Variants in GCNT2 observed in about 807,000 individuals in gnomAD.
The protein encoded by GCNT2 is glucosaminyl (N-acetyl) transferase 2 (I blood group).
GCNT2 carries 34 observed loss-of-function variants against 34.2 expected under a neutral mutation model. That is an observed-to-expected ratio of 1.00 (90% CI 0.76 to 1.32). The LOEUF is 1.32. GCNT2 is among the 40% of genes most tolerant of loss of function. The pLI is 0.00. For synonymous variants in GCNT2, 212 were observed against 188.0 expected, an observed-to-expected ratio of 1.13 and a Z score of -1.04; for missense variants, 584 against 489.4, an observed-to-expected ratio of 1.19 and a Z score of -1.82.
In GCNT2 at chr6:10,545,281, C is replaced by CT. The variant is rs1207325319; in HGVS notation, c.925+15447dup. ...TTTTTCCATTTTGCAAGAGCTGTGCCTTGGCTGTGATCTCCATTTTTGTGG... is the reference window on the plus strand; with the variant it reads ...TTTTTCCATTTTGCAAGAGCTGTGCCTTTGGCTGTGATCTCCATTTTTGTGG... On this transcript the variant is annotated intron_variant, in intron 3 of 4. Transcript: ENST00000495262. 2.0e-5 allele frequency among the ~76,000 whole-genome samples: 3 copies of CT among 152,060 alleles called. No homozygotes were observed. In the East Asian group the frequency reaches 5.8e-4, roughly 29 times the overall value.
chr6:10,540,931 A>T (rs1762010696), intron 3 of GCNT2, among the ~76,000 whole-genome samples: 1 of 152,040 alleles, frequency 6.6e-6, no homozygotes, highest in African/African-American at 2.4e-5. Flanking sequence ...TGCCTTTGGG[A>T]GTTCTTAGTC....
intron 3 of GCNT2, among the ~76,000 whole-genome samples, chr6:10,588,406 C>G (rs762121282): frequency 5.3e-5 from 8 of 152,196 alleles, no homozygotes; most frequent in Non-Finnish European, 1.2e-4. Flanking sequence ...TCGTGTTAGC[C>G]TCACGTACAG....
chr6:10,569,845 CT>C lies in GCNT2; in HGVS notation c.925+40012del, dbSNP rs755344664. On this transcript the variant is annotated intron_variant, in intron 3 of 4. Coordinates refer to ENST00000495262, the MANE Select transcript of GCNT2 (RefSeq NM_145649.5). ...GATTTCTTCCTTCCTTCCTTCCTTCCTTTCTCTTTCTTTCTCTTTCTTTCTT... is the reference window on the plus strand; with the variant it reads ...GATTTCTTCCTTCCTTCCTTCCTTCCTTCTCTTTCTTTCTCTTTCTTTCTT... Among the ~76,000 whole-genome samples, 1,051 of 146,306 alleles carry C rather than the reference CT, an allele frequency of 7.2e-3. 12 individuals are homozygous for C. Among genetic ancestry groups the C allele is most frequent in the African/African-American group, 0.023 (911 of 39,466 alleles).
At chr6:10,560,335 C>T (rs906167394) in intron 3 of GCNT2, among the ~76,000 whole-genome samples, 5 of 152,138 alleles carry the variant, frequency 3.3e-5, no homozygotes, top group Admixed American at 2.0e-4. Context: ...AGGCGATCCG[C>T]CCACCTCGGC....
chr6:10,561,075 C>T (rs1762957809), intron 3 of GCNT2, among the ~76,000 whole-genome samples: 1 of 152,238 alleles, frequency 6.6e-6, no homozygotes, highest in African/African-American at 2.4e-5. Context: ...TATTTTCTAA[C>T]ATCTCTGAGC....
intron 4 of GCNT2, among the ~76,000 whole-genome samples, chr6:10,624,797 A>G (rs984890380): frequency 6.6e-6 from 1 of 151,842 alleles, no homozygotes; most frequent in African/African-American, 2.4e-5. Context: ...GCCGCCAGCT[A>G]TGGTCTCAGC....
intron 3 of GCNT2, chr6:10,555,829 A>G (rs1762674386): frequency 1.0e-6 from 1 of 985,294 alleles, no homozygotes; most frequent in African/African-American, 1.7e-5. Flanking sequence ...CGTTTCCTGA[A>G]ACAGCACGTT....
chr6:10,541,531 G>A (rs1481372150), intron 3 of GCNT2, among the ~76,000 whole-genome samples: 3 of 152,092 alleles, frequency 2.0e-5, no homozygotes, highest in Non-Finnish European at 2.9e-5. Context: ...CTATGGGATC[G>A]CTGGGTCAAA....
chr6:10,539,686 A>C (rs1375814923), intron 3 of GCNT2, among the ~76,000 whole-genome samples: 1 of 152,202 alleles, frequency 6.6e-6, no homozygotes, highest in African/African-American at 2.4e-5. Context: ...TTGATTTTTG[A>C]GGTTTTAATG....
rs763944281 is a variant in GCNT2 at position 10,614,301 on chromosome 6, AG to A, written c.926-7047del. On this transcript the variant is annotated intron_variant, in intron 3 of 4. Transcript: ENST00000495262. The stretch of plus-strand genomic sequence containing the variant: ...TGCTGATCACCCAGGTCATTATTGA[AG>A]GGCAAATTGAAATGGGTTGGTGCTT... Among the ~76,000 whole-genome samples the A allele has an allele frequency of 4.6e-5, 7 of 152,268 alleles. No individual in the cohort carries two copies. In the East Asian group the frequency reaches 1.4e-3, roughly 29 times the overall value.
chr6:10,603,452 G>A (rs1181348463), intron 3 of GCNT2, among the ~76,000 whole-genome samples: 5 of 152,206 alleles, frequency 3.3e-5, no homozygotes, highest in East Asian at 1.9e-4. Flanking sequence ...ACCACACAGC[G>A]CCACGGTGGG....
At chr6:10,559,180 T>C (rs375309608) in intron 3 of GCNT2, among the ~76,000 whole-genome samples, 102 of 151,912 alleles carry the variant, frequency 6.7e-4, no homozygotes, top group African/African-American at 2.3e-3. Context: ...TCAAATAATA[T>C]AAGAAAATCA....
At chr6:10,532,525 G>T (rs2113530133) in intron 3 of GCNT2, among the ~76,000 whole-genome samples, 1 of 152,268 alleles carries the variant, frequency 6.6e-6, no homozygotes, top group East Asian at 1.9e-4. Flanking sequence ...CTCCCAAAGT[G>T]CTGGGATTAC....
In GCNT2 at chr6:10,624,457, A is replaced by C. The variant is rs554307655; in HGVS notation, c.1019-1960A>C. Among the ~76,000 whole-genome samples, 40 of 152,214 alleles carry C rather than the reference A, an allele frequency of 2.6e-4. 1 individual carries two copies. In the South Asian group the frequency reaches 8.3e-3, roughly 32 times the overall value. On this transcript the variant is annotated intron_variant, in intron 4 of 4. Transcript: ENST00000495262. ...TGTGAGACTTACTCACTACCACAAG[A>C]ACAATCATGGGGGAAACTGCCCCCC...
chr6:10,585,555 G>A (rs193228511), intron 3 of GCNT2, among the ~76,000 whole-genome samples: 1 of 152,182 alleles, frequency 6.6e-6, no homozygotes, highest in Non-Finnish European at 1.5e-5. Context: ...AGCGTGAGAA[G>A]GGAGATCAGA....
chr6:10,597,534 G>T (rs1388443927), intron 3 of GCNT2, among the ~76,000 whole-genome samples: 1 of 151,962 alleles, frequency 6.6e-6, no homozygotes, highest in African/African-American at 2.4e-5. Flanking sequence ...CAGTGACTAC[G>T]ACTTGCTAAC....
chr6:10,592,063 C>T (rs551808076), intron 3 of GCNT2, among the ~76,000 whole-genome samples: 1 of 152,138 alleles, frequency 6.6e-6, no homozygotes, highest in African/African-American at 2.4e-5. Flanking sequence ...TAATTACAAA[C>T]GTTGAATGAT....
chr6:10,553,023 C>G (rs1217565262), intron 3 of GCNT2, among the ~76,000 whole-genome samples: 1 of 152,222 alleles, frequency 6.6e-6, no homozygotes, highest in East Asian at 1.9e-4. Context: ...TCAGTGCCAT[C>G]TTTGCTTTCA....
chr6:10,529,766 C>T lies in GCNT2; in HGVS notation c.855C>T (p.Asp285=), dbSNP rs779063703. The T allele has an allele frequency of 1.2e-6, 2 of 1,614,176 alleles. No homozygotes were observed. The highest frequency in any genetic ancestry group is 2.2e-5 in the East Asian group (1 of 44,886). ...TCCTCCAAGACCAGCTCGCACTTGA[C>T]TTACTCTCCTGGTCCAAGGACACCT... ...NFVLQDQLAL[D]LLSWSKDTYS... is the part of the protein sequence containing the mutation. The change falls in exon 3 of 5, where the codon GAC becomes GAT. Residue 285 remains aspartate (D), a synonymous_variant. Coordinates refer to ENST00000495262, the MANE Select transcript of GCNT2 (RefSeq NM_145649.5).
Sources: gnomAD v4.1 joint callset for allele counts (sites outside exome capture counted in the v4.1 genomes callset) on GRCh38, gnomAD v4.1.1 for gene constraint, MANE v1.5 for transcripts, NCBI Gene and HGNC (gene_info 2026-07-23, HGNC 2026-07-21) for gene names.